Variants in GPHN observed in about 807,000 individuals in gnomAD.
GPHN encodes the protein gephyrin.
Under a neutral mutation model 95.5 loss-of-function variants are expected in GPHN, and 17 were observed. That is an observed-to-expected ratio of 0.18 (90% confidence interval 0.12 to 0.27). The LOEUF is 0.27. Ranked by LOEUF, GPHN falls within the 10% of genes least tolerant of loss-of-function variation. GPHN has a pLI of 1.00. For synonymous variants in GPHN, 320 were observed against 322.5 expected, an observed-to-expected ratio of 0.99 and a Z score of 0.08; for missense variants, 660 against 978.1, an observed-to-expected ratio of 0.67 and a Z score of 4.34.
At chr14:67,560,630 G>A in the GPHN span, among the ~76,000 whole-genome samples, 1 of 151,970 alleles carries the variant, frequency 6.6e-6, no homozygotes, top group Non-Finnish European at 1.5e-5. Flanking sequence ...GGAAACTCAG[G>A]ACTTGAAGCT....
chr14:66,722,528 CA>C (rs1401485771), intron 2 of GPHN, among the ~76,000 whole-genome samples: 1 of 152,114 alleles, frequency 6.6e-6, no homozygotes, highest in Admixed American at 6.5e-5. Context: ...ACTGCAGCCT[CA>C]AACTCCTGGG....
At chr14:67,406,089 T>C in the GPHN span, among the ~76,000 whole-genome samples, 1 of 151,958 alleles carries the variant, frequency 6.6e-6, no homozygotes, top group Non-Finnish European at 1.5e-5. Context: ...TTAAACCCCG[T>C]CTCTACTAAA....
At chr14:67,046,010 G>A (rs2074998171) in intron 10 of GPHN, among the ~76,000 whole-genome samples, 1 of 152,192 alleles carries the variant, frequency 6.6e-6, no homozygotes, top group South Asian at 2.1e-4. Flanking sequence ...TATTAATAGA[G>A]ACCCAACCCT....
chr14:66,800,681 G>A (rs2060316153), intron 3 of GPHN, among the ~76,000 whole-genome samples: 1 of 151,942 alleles, frequency 6.6e-6, no homozygotes, highest in Non-Finnish European at 1.5e-5. Flanking sequence ...TAATCTTAGG[G>A]TTCAATCTGC....
the GPHN span, among the ~76,000 whole-genome samples, chr14:67,248,334 A>C: frequency 6.6e-6 from 1 of 152,098 alleles, no homozygotes; most frequent in Non-Finnish European, 1.5e-5. Flanking sequence ...CAGCTGAGCA[A>C]CATAACAAGA....
At chr14:66,619,271 AGC>A (rs1386238613) in intron 1 of GPHN, among the ~76,000 whole-genome samples, 3 of 152,144 alleles carry the variant, frequency 2.0e-5, no homozygotes, top group African/African-American at 7.2e-5. Flanking sequence ...ATCATTGGGT[AGC>A]TGTATGTTTA....
chr14:67,652,890 T>C, the GPHN span, among the ~76,000 whole-genome samples: 2 of 151,930 alleles, frequency 1.3e-5, no homozygotes, highest in Admixed American at 6.6e-5. Flanking sequence ...ACCCCCCAGG[T>C]TCAAGCAATT....
At chr14:67,342,332 T>A in the GPHN span, among the ~76,000 whole-genome samples, 2 of 151,902 alleles carry the variant, frequency 1.3e-5, no homozygotes, top group African/African-American at 4.8e-5. Context: ...TTTCTATGCA[T>A]AGATAACCTA....
chr14:66,985,399 C>G (rs897889069), intron 9 of GPHN, among the ~76,000 whole-genome samples: 2 of 152,110 alleles, frequency 1.3e-5, no homozygotes, highest in African/African-American at 4.8e-5. Flanking sequence ...AAATGTAACA[C>G]TACTCCAGAT....
At chr14:67,345,957 T>C in the GPHN span, 7 of 824,230 alleles carry the variant, frequency 8.5e-6, no homozygotes, top group African/African-American at 5.2e-5. Context: ...TTCAGAATAA[T>C]AACAAATATG....
the GPHN span, chr14:67,690,280 C>A: frequency 6.2e-7 from 1 of 1,614,144 alleles, no homozygotes; most frequent in Non-Finnish European, 8.5e-7. Context: ...GTAGGCCAGG[C>A]CTGCATTGTA....
chr14:67,309,958 G>A, the GPHN span, among the ~76,000 whole-genome samples: 1 of 151,228 alleles, frequency 6.6e-6, no homozygotes, highest in Non-Finnish European at 1.5e-5. Flanking sequence ...TCCACTACAA[G>A]TGATGCCAAA....
chr14:66,654,528 G>A (rs1260211236), intron 1 of GPHN, among the ~76,000 whole-genome samples: 2 of 151,984 alleles, frequency 1.3e-5, no homozygotes, highest in Non-Finnish European at 2.9e-5. Context: ...TGTCATGTTC[G>A]AGGGTTCTTT....
At chr14:67,324,759 T>C in the GPHN span, among the ~76,000 whole-genome samples, 2 of 151,298 alleles carry the variant, frequency 1.3e-5, no homozygotes, top group Non-Finnish European at 2.9e-5. Context: ...TAATTTTTTA[T>C]GTATTTTATA....
chr14:67,684,208 AT>A, the GPHN span, among the ~76,000 whole-genome samples: 1 of 152,168 alleles, frequency 6.6e-6, no homozygotes, highest in African/African-American at 2.4e-5. Flanking sequence ...GCCTCTCATA[AT>A]CTGTCTGCCT....
the GPHN span, among the ~76,000 whole-genome samples, chr14:67,264,170 A>G: frequency 1.3e-5 from 2 of 152,304 alleles, no homozygotes; most frequent in Admixed American, 6.5e-5. Flanking sequence ...TAGAATGTTT[A>G]TTTTAAAGTG....
intron 5 of GPHN, among the ~76,000 whole-genome samples, chr14:66,882,390 A>C (rs2063971494): frequency 6.6e-6 from 1 of 151,774 alleles, no homozygotes. Flanking sequence ...TTATGTCTAG[A>C]GAGCAGCATT....
At chr14:67,411,023 TG>T in the GPHN span, among the ~76,000 whole-genome samples, 1 of 151,414 alleles carries the variant, frequency 6.6e-6, no homozygotes, top group South Asian at 2.1e-4. Flanking sequence ...AGTGGATACC[TG>T]TAGTCCCAGC....
the GPHN span, chr14:67,557,429 A>G: frequency 6.2e-7 from 1 of 1,611,438 alleles, no homozygotes. Context: ...GTAAGGGCTC[A>G]TGCGCAAGGG....
Sources: gnomAD v4.1 joint callset for allele counts (sites outside exome capture counted in the v4.1 genomes callset) on GRCh38, gnomAD v4.1.1 for gene constraint, MANE v1.5 for transcripts, NCBI Gene and HGNC (gene_info 2026-07-23, HGNC 2026-07-21) for gene names.